PRUNE2: variants seen among roughly 807,000 people sequenced by gnomAD.
PRUNE2 encodes the protein prune homolog 2 with BCH domain.
In PRUNE2, 164 loss-of-function variants were observed where a neutral mutation model predicts 252.0. That is an observed-to-expected ratio of 0.65 (90% CI 0.57 to 0.74). PRUNE2 has a LOEUF of 0.74. PRUNE2 is among the 30% of genes least tolerant of loss of function. The pLI is 0.00. For missense variants in PRUNE2, 3,495 were observed against 3,711.0 expected (o/e 0.94, Z 1.51); for synonymous variants, 1,292 against 1,350.2 (o/e 0.96, Z 0.94).
At chr9:76,674,256 C>G (rs1067438) in intron 9 of PRUNE2, among the ~76,000 whole-genome samples, 122,327 of 143,168 alleles carry the variant, frequency 0.85, 53,789 homozygotes, top group Non-Finnish European at 0.96. Context: ...TCTTATACAC[C>G]AACAACAGAC....
intron 15 of PRUNE2, among the ~76,000 whole-genome samples, chr9:76,632,578 A>C (rs1047833491): frequency 6.6e-5 from 10 of 152,102 alleles, no homozygotes; most frequent in African/African-American, 2.2e-4. Flanking sequence ...TTTTTTTAGA[A>C]GCTAGGACTC....
At chr9:76,654,381 G>A (rs1848489890) in intron 10 of PRUNE2, among the ~76,000 whole-genome samples, 1 of 152,114 alleles carries the variant, frequency 6.6e-6, no homozygotes, top group South Asian at 2.1e-4. Flanking sequence ...TCTGTTCTAG[G>A]TAATGGTTTT....
rs759379067 is a variant in PRUNE2 at position 76,710,845 on chromosome 9, C to A, written c.1429G>T (p.Val477Leu). ...CCAGACCATGCATGTTCCTCCGCCACCGCCCCTTCAGGGATGGGGCTGTAG... is the reference window on the plus strand; with the variant it reads ...CCAGACCATGCATGTTCCTCCGCCAACGCCCCTTCAGGGATGGGGCTGTAG... ...DSYSPIPEGA[V>L]AEEHAWSGEH... The change falls in exon 8 of 19, where the codon GTG (valine) becomes TTG (leucine). Residue 477 changes from valine (V) to leucine (L), a missense_variant. Transcript: ENST00000376718. 13 of 1,544,232 alleles carry A rather than the reference C, an allele frequency of 8.4e-6. No individual in the cohort carries two copies. The highest frequency in any genetic ancestry group is 1.1e-5 in the Non-Finnish European group (13 of 1,147,338).
chr9:76,876,280 A>G (rs190417043), intron 1 of PRUNE2, among the ~76,000 whole-genome samples: 1 of 152,356 alleles, frequency 6.6e-6, no homozygotes, highest in Admixed American at 6.5e-5. Flanking sequence ...GAATTGTCGA[A>G]GCAAGGAATA....
intron 6 of PRUNE2, among the ~76,000 whole-genome samples, chr9:76,756,460 T>C (rs966470774): frequency 3.9e-5 from 6 of 152,230 alleles, no homozygotes; most frequent in Non-Finnish European, 8.8e-5. Flanking sequence ...TTCCCCATTC[T>C]TTCCAGAGTT....
chr9:76,680,829 G>T (rs766918320), intron 9 of PRUNE2, among the ~76,000 whole-genome samples: 3 of 152,136 alleles, frequency 2.0e-5, no homozygotes, highest in Non-Finnish European at 2.9e-5. Flanking sequence ...ATCTTACATG[G>T]CAATAGAAGA....
intron 15 of PRUNE2, 46 bp downstream of exon 15, chr9:76,636,425 T>A (rs1161134812): frequency 1.9e-6 from 2 of 1,025,944 alleles, no homozygotes; most frequent in Non-Finnish European, 1.5e-6. Context: ...ACATATTTTT[T>A]AAAACTACTA....
chr9:76,753,768 A>C (rs928918650), intron 6 of PRUNE2, among the ~76,000 whole-genome samples: 4 of 152,100 alleles, frequency 2.6e-5, no homozygotes, highest in African/African-American at 7.2e-5. Context: ...ATACAAAAAA[A>C]TTAGCTGGGC....
chr9:76,794,060 A>G (rs915992981), intron 6 of PRUNE2, among the ~76,000 whole-genome samples: 22 of 152,222 alleles, frequency 1.4e-4, no homozygotes, highest in Non-Finnish European at 1.3e-4. Flanking sequence ...TATTGTTTTA[A>G]TAAGGCCTAC....
At chr9:76,825,421 T>C (rs552158656) in intron 5 of PRUNE2, among the ~76,000 whole-genome samples, 15 of 152,356 alleles carry the variant, frequency 9.8e-5, no homozygotes, top group African/African-American at 3.4e-4. Flanking sequence ...TGGTTTCCCA[T>C]GGAGCCAACT....
At chr9:76,633,894 C>T (rs913090813) in intron 15 of PRUNE2, among the ~76,000 whole-genome samples, 5 of 152,130 alleles carry the variant, frequency 3.3e-5, no homozygotes, top group Non-Finnish European at 7.3e-5. Flanking sequence ...AGGCAGATTG[C>T]TTGAGCCTAG....
intron 6 of PRUNE2, among the ~76,000 whole-genome samples, chr9:76,781,827 C>T (rs1048038406): frequency 6.6e-6 from 1 of 152,190 alleles, no homozygotes; most frequent in Non-Finnish European, 1.5e-5. Flanking sequence ...TCCTGCTGGA[C>T]TCTAATTTCC....
intron 10 of PRUNE2, among the ~76,000 whole-genome samples, chr9:76,653,281 T>G (rs777887834): frequency 2.0e-5 from 3 of 152,208 alleles, no homozygotes; most frequent in Non-Finnish European, 4.4e-5. Context: ...TGTCCCTTGA[T>G]ATCCATAAGG....
At chr9:76,769,652 C>T (rs368715074) in intron 6 of PRUNE2, among the ~76,000 whole-genome samples, 74 of 152,206 alleles carry the variant, frequency 4.9e-4, no homozygotes, top group Admixed American at 1.4e-3. Context: ...CTCGAACTCC[C>T]GACATCAGGT....
At position 76,694,448 on chromosome 9, in the gene PRUNE2, G is replaced by C. The variant is rs561864602; in HGVS notation, c.8276+8889C>G. Among the ~76,000 whole-genome samples the C allele has an allele frequency of 7.9e-5, 12 of 152,298 alleles. No individual in the cohort carries two copies. In the East Asian group the frequency reaches 1.9e-3, roughly 24 times the overall value. ...TCCTCTCACCTTGGCCTCCCAAAGCGCTGGGATTACAGGTGTGAGCCACCA... is the reference window on the plus strand; with the variant it reads ...TCCTCTCACCTTGGCCTCCCAAAGCCCTGGGATTACAGGTGTGAGCCACCA... On this transcript the variant is annotated intron_variant, in intron 9 of 18. Transcript: ENST00000376718.
At chr9:76,678,349 CAAAAAAA>C (rs58096428) in intron 9 of PRUNE2, among the ~76,000 whole-genome samples, 14 of 83,112 alleles carry the variant, frequency 1.7e-4, no homozygotes, top group Non-Finnish European at 2.7e-4. Context: ...GAGACTCCAT[CAAAAAAA>C]AAAAAAAAAA....
rs572621945 is a variant in PRUNE2, at chr9:76,629,171, T to G, written c.9149+21A>C. The G allele has an allele frequency of 5.4e-6, 8 of 1,477,072 alleles. No individual in the cohort carries two copies. The South Asian group carries it at 9.5e-5, about 18-fold the overall frequency. The allele number at this position is 1,477,072 out of a possible 1,614,324, so 91.5% of individuals were successfully genotyped here. ...AACTAGTACTATTTCTTAACACATCTCTGAAACTGTCAGGACTTACTTGAT... is the reference window on the plus strand; with the variant it reads ...AACTAGTACTATTTCTTAACACATCGCTGAAACTGTCAGGACTTACTTGAT... On this transcript the variant is annotated intron_variant, in intron 16 of 18. Coordinates refer to ENST00000376718, the MANE Select transcript of PRUNE2 (RefSeq NM_015225.3).
intron 1 of PRUNE2, among the ~76,000 whole-genome samples, chr9:76,890,512 G>A (rs967914055): frequency 5.3e-4 from 80 of 152,242 alleles, no homozygotes; most frequent in African/African-American, 1.9e-3. Flanking sequence ...AAAAATTGGG[G>A]CATGCAAGGA....
intron 9 of PRUNE2, among the ~76,000 whole-genome samples, chr9:76,657,567 C>G (rs1849710052): frequency 6.6e-6 from 1 of 152,194 alleles, no homozygotes; most frequent in African/African-American, 2.4e-5. Context: ...CCAGTATCAA[C>G]AAGCTGATTA....
Sources: allele counts gnomAD v4.1 joint callset (sites outside exome capture counted in the v4.1 genomes callset), GRCh38; gene constraint gnomAD v4.1.1; transcripts MANE v1.5; gene names NCBI Gene and HGNC (gene_info 2026-07-23, HGNC 2026-07-21).